Variants in SDK1 observed in about 807,000 individuals in gnomAD.
The protein encoded by SDK1 is sidekick cell adhesion molecule 1.
Under a neutral mutation model 245.5 loss-of-function variants are expected in SDK1, and 157 were observed. The ratio of observed to expected loss-of-function variants is 0.64; its 90% CI spans 0.56 to 0.73. The LOEUF is 0.73. Among genes scored for constraint, SDK1 ranks in the 30% least tolerant of loss-of-function variants. The pLI is 0.00. For synonymous variants in SDK1, 1,647 were observed against 1,278.5 expected (o/e 1.29, Z -6.15); for missense variants, 3,583 against 3,002.3 (o/e 1.19, Z -4.52).
intron 32 of SDK1, 106 bp downstream of exon 32, chr7:4,161,962 C>T (rs929821046): frequency 9.0e-6 from 9 of 996,124 alleles, no homozygotes; most frequent in South Asian, 2.7e-5. Flanking sequence ...CTGAGCTAAG[C>T]GTTTGAGAGT....
Position 3,301,802 on chromosome 7 carries a change from G to T in SDK1, c.216G>T (p.Arg72=). The part of the protein sequence containing the change: ...TAGAGRCGGR[R]AAKLGPGRRG... ...GCGCGGGGCGGTGCGGCGGGCGGCG[G>T]GCGGCAAAGTTGGGGCCGGGCCGCC... Residue 72 remains arginine, a synonymous_variant, in exon 1 of 45, where the codon CGG becomes CGT. Coordinates refer to ENST00000404826, the MANE Select transcript of SDK1 (RefSeq NM_152744.4). 9.5e-7 allele frequency: 1 copy of T among 1,051,650 alleles called. No individual in the cohort carries two copies. The highest frequency in any genetic ancestry group is 1.1e-6 in the Non-Finnish European group (1 of 874,348). The allele number at this position is 1,051,650 out of a possible 1,614,324, so 65.1% of individuals were successfully genotyped here.
chr7:4,204,563 G>A (rs1784084777), intron 35 of SDK1, among the ~76,000 whole-genome samples: 2 of 152,200 alleles, frequency 1.3e-5, no homozygotes, highest in Admixed American at 1.3e-4. Context: ...GAGTCCTGAG[G>A]TCAGTCTCTC....
chr7:3,701,356 A>C (rs1028006514), intron 4 of SDK1, among the ~76,000 whole-genome samples: 1 of 152,248 alleles, frequency 6.6e-6, no homozygotes, highest in African/African-American at 2.4e-5. Flanking sequence ...CTATGTGTCT[A>C]TAAAAAGTGA....
At chr7:4,000,281 C>G (rs943312036) in intron 14 of SDK1, among the ~76,000 whole-genome samples, 15 of 152,326 alleles carry the variant, frequency 9.8e-5, no homozygotes, top group African/African-American at 3.6e-4. Context: ...ATCCTCCAGG[C>G]AGCTTGTCCT....
chr7:3,832,645 T>C (rs1025608056), intron 5 of SDK1, among the ~76,000 whole-genome samples: 1 of 152,230 alleles, frequency 6.6e-6, no homozygotes, highest in African/African-American at 2.4e-5. Context: ...ATCTGAGATG[T>C]AAAGAAATGG....
chr7:3,772,133 G>A (rs1031453058), intron 4 of SDK1, among the ~76,000 whole-genome samples: 2 of 152,122 alleles, frequency 1.3e-5, no homozygotes, highest in East Asian at 1.9e-4. Context: ...ACCTGCTTCC[G>A]TCATGTTGCT....
chr7:4,022,901 G>C (rs1374724795), intron 17 of SDK1, among the ~76,000 whole-genome samples: 1 of 151,328 alleles, frequency 6.6e-6, no homozygotes, highest in African/African-American at 2.4e-5. Flanking sequence ...AGCCTCCCAA[G>C]TAGCTGGGAC....
chr7:3,839,359 C>A (rs1282928275), intron 5 of SDK1, among the ~76,000 whole-genome samples: 1 of 152,068 alleles, frequency 6.6e-6, no homozygotes, highest in Non-Finnish European at 1.5e-5. Flanking sequence ...AGCCAGAGAG[C>A]TTAGAATTCT....
intron 1 of SDK1, among the ~76,000 whole-genome samples, chr7:3,534,517 CA>C (rs1778813454): frequency 6.6e-6 from 1 of 152,138 alleles, no homozygotes; most frequent in Non-Finnish European, 1.5e-5. Flanking sequence ...ATATAGCATT[CA>C]AATTTCTCCA....
chr7:4,167,209 G>T (rs1781551931), intron 32 of SDK1, among the ~76,000 whole-genome samples: 1 of 152,138 alleles, frequency 6.6e-6, no homozygotes, highest in Non-Finnish European at 1.5e-5. Context: ...GGCCAACATG[G>T]TGAAACCCCG....
At chr7:3,827,231 A>G (rs1779798240) in intron 5 of SDK1, among the ~76,000 whole-genome samples, 1 of 152,224 alleles carries the variant, frequency 6.6e-6, no homozygotes, top group South Asian at 2.1e-4. Context: ...AGTATCACTC[A>G]GGATACATAT....
intron 5 of SDK1, among the ~76,000 whole-genome samples, chr7:3,886,408 CG>C (rs377233129): frequency 1.8e-3 from 270 of 152,312 alleles, no homozygotes; most frequent in African/African-American, 5.7e-3. Flanking sequence ...ACCAGACCAT[CG>C]GGGTATTTTT....
At chr7:3,631,675 T>G (rs1170679588) in intron 2 of SDK1, among the ~76,000 whole-genome samples, 1 of 152,240 alleles carries the variant, frequency 6.6e-6, no homozygotes, top group Non-Finnish European at 1.5e-5. Context: ...ATAACAGATA[T>G]GAATGTTTAT....
At chr7:3,801,252 C>G (rs1779099467) in intron 4 of SDK1, among the ~76,000 whole-genome samples, 1 of 152,040 alleles carries the variant, frequency 6.6e-6, no homozygotes, top group Non-Finnish European at 1.5e-5. Context: ...ATAACCTTTC[C>G]CCCATTCTTT....
intron 14 of SDK1, among the ~76,000 whole-genome samples, chr7:4,005,436 GTT>G (rs1785404805): frequency 6.9e-6 from 1 of 145,388 alleles, no homozygotes; most frequent in Non-Finnish European, 1.5e-5. Context: ...GTGTGTGTGT[GTT>G]AATACTTCTT....
At chr7:3,857,617 G>A (rs1352063190) in intron 5 of SDK1, among the ~76,000 whole-genome samples, 1 of 151,558 alleles carries the variant, frequency 6.6e-6, no homozygotes, top group African/African-American at 2.4e-5. Flanking sequence ...AGGCCAGAAG[G>A]TCAAGGCTGC....
At chr7:3,597,481 C>T (rs1402577468) in intron 1 of SDK1, among the ~76,000 whole-genome samples, 1 of 152,086 alleles carries the variant, frequency 6.6e-6, no homozygotes, top group East Asian at 1.9e-4. Flanking sequence ...ACACAGAACA[C>T]CGGCGGCGGG....
At chr7:3,694,047 T>C (rs1784507047) in intron 4 of SDK1, among the ~76,000 whole-genome samples, 1 of 152,190 alleles carries the variant, frequency 6.6e-6, no homozygotes. Context: ...GGAGTATTTG[T>C]CATAGTTCAC....
chr7:3,471,369 G>C (rs1053343528), intron 1 of SDK1, among the ~76,000 whole-genome samples: 2 of 152,100 alleles, frequency 1.3e-5, no homozygotes, highest in African/African-American at 4.8e-5. Context: ...TAGGAATCTA[G>C]ATTATTTTTA....
Sources: allele counts gnomAD v4.1 joint callset (sites outside exome capture counted in the v4.1 genomes callset), GRCh38; gene constraint gnomAD v4.1.1; transcripts MANE v1.5; gene names NCBI Gene and HGNC (gene_info 2026-07-23, HGNC 2026-07-21).